The following DDI2 variants were observed in gnomAD, a reference collection of about 807,000 sequenced individuals.
DDI2 encodes the protein DDI proteasomal shuttling factor 2, also known as protein DDI1 homolog 2.
Under a neutral mutation model 48.1 loss-of-function variants are expected in DDI2, and 5 were observed. The observed-to-expected ratio is 0.10, with a 90% CI of 0.05 to 0.22. The LOEUF is 0.22. DDI2 is among the 10% of genes least tolerant of loss of function. DDI2 has a pLI of 1.00. For synonymous variants in DDI2, 205 were observed against 183.6 expected (o/e 1.12, Z -0.94); for missense variants, 285 against 506.2 (o/e 0.56, Z 4.19).
chr1:15,626,513 C>T (rs192213297), intron 1 of DDI2, among the ~76,000 whole-genome samples, 156 bp from the exon 2 acceptor site: 15 of 152,234 alleles, frequency 9.9e-5, no homozygotes, highest in East Asian at 5.8e-4. Flanking sequence ...TGCTAGGTGA[C>T]GGGAAGGACT....
Position 15,663,970 on chromosome 1 carries a change from T to C in DDI2, c.*4180T>C, listed in dbSNP as rs925074844. ...TAGGATAGCTTTTTGTGTATGTATA[T>C]GTATATTTATTTTTAGGAATAGATC... On this transcript the variant is annotated 3_prime_UTR_variant, in exon 10 of 10. Coordinates refer to ENST00000480945, the MANE Select transcript of DDI2 (RefSeq NM_032341.5). 6.6e-6 allele frequency: 1 copy of C among 152,210 alleles called. No homozygotes were observed. Among genetic ancestry groups the C allele is most frequent in the Admixed American group, 6.5e-5 (1 of 15,282 alleles). 9.4% of individuals were successfully genotyped at this position (152,210 alleles called of 1,614,324 possible).
At chr1:15,622,903 C>G (rs916711642) in intron 1 of DDI2, among the ~76,000 whole-genome samples, 1 of 152,172 alleles carries the variant, frequency 6.6e-6, no homozygotes, top group Non-Finnish European at 1.5e-5. Flanking sequence ...GCTGCTGCTT[C>G]GTCAGTGTGA....
At chr1:15,648,174 AAG>A (rs1319740264) in intron 6 of DDI2, among the ~76,000 whole-genome samples, 4 of 152,206 alleles carry the variant, frequency 2.6e-5, no homozygotes, top group Non-Finnish European at 5.9e-5. Flanking sequence ...CAGTAGGACT[AAG>A]AGTTTTGCAG....
chr1:15,658,307 G>A (rs935758256), intron 9 of DDI2, among the ~76,000 whole-genome samples: 4 of 151,596 alleles, frequency 2.6e-5, no homozygotes, highest in African/African-American at 4.8e-5. Context: ...CCACCACCAC[G>A]CCTGGCTAAT....
chr1:15,638,355 G>A lies in DDI2; in HGVS notation c.681G>A (p.Pro227=), dbSNP rs778029686. Residue 227 remains proline (P), a synonymous_variant, in exon 5 of 10, where the codon CCG becomes CCA. Coordinates refer to ENST00000480945, the MANE Select transcript of DDI2 (RefSeq NM_032341.5). ...ENMTIAMEEA[P]ESFGQVVMLY... is the part of the protein sequence containing the mutation. Reference sequence around the variant, plus strand: ...TGACAATAGCTATGGAAGAGGCTCCGGAAAGTTTTGGCCAAGTAGTGATGC... The same window carrying A: ...TGACAATAGCTATGGAAGAGGCTCCAGAAAGTTTTGGCCAAGTAGTGATGC... 1.2e-5 allele frequency: 20 copies of A among 1,613,804 alleles called. No homozygotes were observed. The highest frequency in any genetic ancestry group is 1.4e-5 in the Non-Finnish European group (17 of 1,179,952).
chr1:15,666,364 A>G lies in DDI2; in HGVS notation c.*6574A>G, dbSNP rs1026584229. The G allele has an allele frequency of 2.0e-5, 3 of 152,326 alleles. No homozygotes were observed. The highest frequency in any genetic ancestry group is 4.4e-5 in the Non-Finnish European group (3 of 68,030). The allele number at this position is 152,326 out of a possible 1,614,324, so 9.4% of individuals were successfully genotyped here. A position where few individuals can be genotyped will look rare whatever the true frequency, so the allele number is the denominator to read the frequency against. Reference sequence around the variant, plus strand: ...AATAGCTCTCCTGGAGATGGAGGGCACACAGAGTGGTCCTCAGGCTCACCT... The same window carrying G: ...AATAGCTCTCCTGGAGATGGAGGGCGCACAGAGTGGTCCTCAGGCTCACCT... On this transcript the variant is annotated 3_prime_UTR_variant, in exon 10 of 10. Transcript: ENST00000480945.
chr1:15,649,608 T>G, intron 6 of DDI2, 112 bp from the exon 7 acceptor site: 8 of 935,288 alleles, frequency 8.6e-6, no homozygotes, highest in South Asian at 4.0e-5. Context: ...GAGGCAGAGG[T>G]TGCCATCAGC....
At chr1:15,624,602 A>C (rs1435779504) in intron 1 of DDI2, among the ~76,000 whole-genome samples, 2 of 151,980 alleles carry the variant, frequency 1.3e-5, no homozygotes, top group Non-Finnish European at 2.9e-5. Context: ...TAAGTAGCTG[A>C]GACTACAGTC....
intron 1 of DDI2, among the ~76,000 whole-genome samples, chr1:15,619,462 T>C (rs1047802154): frequency 6.7e-6 from 1 of 150,186 alleles, no homozygotes; most frequent in African/African-American, 2.5e-5. Context: ...TTTCTTTTCT[T>C]TTCTTTTCTT....
chr1:15,638,638 G>A (rs528642237), intron 5 of DDI2, among the ~76,000 whole-genome samples: 3 of 149,152 alleles, frequency 2.0e-5, no homozygotes, highest in South Asian at 2.1e-4. Flanking sequence ...CAGTTCAAGC[G>A]ATTCTCCAGC....
chr1:15,651,619 A>G (rs2103477934), intron 7 of DDI2, 87 bp from the exon 8 acceptor site: 2 of 1,314,894 alleles, frequency 1.5e-6, no homozygotes, highest in Middle Eastern at 1.9e-4. Flanking sequence ...GTGCCTGGCC[A>G]TTTGTGATTG....
At chr1:15,639,898 C>T (rs142485203) in intron 5 of DDI2, among the ~76,000 whole-genome samples, 1,668 of 151,786 alleles carry the variant, frequency 0.011, 18 homozygotes, top group South Asian at 0.038. Flanking sequence ...GTCCCAGCTA[C>T]GGGGGAGGCT....
rs935498329 is a variant in DDI2, at chr1:15,665,288, A to C, written c.*5498A>C. On this transcript the variant is annotated 3_prime_UTR_variant, in exon 10 of 10. Coordinates refer to ENST00000480945, the MANE Select transcript of DDI2 (RefSeq NM_032341.5). ...AAAAAAAAAAAAAAAAAAGGTAACC[A>C]GTTGCTTGGCAAAGGAAGCTGGAGA... The C allele has an allele frequency of 3.5e-4, 53 of 149,830 alleles. 1 individual carries two copies. The highest frequency in any genetic ancestry group is 1.3e-3 in the African/African-American group (51 of 39,674). The allele number at this position is 149,830 out of a possible 1,614,324, so 9.3% of individuals were successfully genotyped here. A position where few individuals can be genotyped will look rare whatever the true frequency, so the allele number is the denominator to read the frequency against.
chr1:15,625,435 C>A (rs1276548944), intron 1 of DDI2, among the ~76,000 whole-genome samples: 2 of 151,294 alleles, frequency 1.3e-5, no homozygotes, highest in Non-Finnish European at 2.9e-5. Context: ...TATGTTTTTT[C>A]ATGATAAAAT....
At chr1:15,625,212 T>C (rs1639733505) in intron 1 of DDI2, among the ~76,000 whole-genome samples, 3 of 152,220 alleles carry the variant, frequency 2.0e-5, no homozygotes, top group African/African-American at 4.8e-5. Flanking sequence ...GCTGTAATGA[T>C]GATCTAGCCC....
intron 3 of DDI2, among the ~76,000 whole-genome samples, 200 bp from the exon 4 acceptor site, chr1:15,633,235 ACTTT>A (rs1639875577): frequency 6.6e-6 from 1 of 152,080 alleles, no homozygotes; most frequent in Non-Finnish European, 1.5e-5. Flanking sequence ...AGCCACAAAT[ACTTT>A]CTTTACACTG....
chr1:15,650,185 C>A (rs1195248072), intron 7 of DDI2, among the ~76,000 whole-genome samples: 1 of 152,136 alleles, frequency 6.6e-6, no homozygotes, highest in East Asian at 1.9e-4. Flanking sequence ...TGATGCTGAT[C>A]AAACAGTACT....
Position 15,661,667 on chromosome 1 carries a change from A to G in DDI2, c.*1877A>G, listed in dbSNP as rs780685314. On this transcript the variant is annotated 3_prime_UTR_variant, in exon 10 of 10. Coordinates refer to ENST00000480945, the MANE Select transcript of DDI2 (RefSeq NM_032341.5). ...GGAGCTTTGCATCGAGTTGGTGGGA[A>G]TGCAGACCTTGCACTTCTTGTTTTG... The G allele has an allele frequency of 2.5e-6, 4 of 1,614,038 alleles. No individual in the cohort carries two copies. The highest frequency in any genetic ancestry group is 2.2e-5 in the East Asian group (1 of 44,888).
rs753415119 is a variant in DDI2, at chr1:15,660,723, C to T, written c.*933C>T. On this transcript the variant is annotated 3_prime_UTR_variant, in exon 10 of 10. Transcript: ENST00000480945. ...CATTGGATCTCACTTTAGATAATCCCTTGATGGAAGTAGAAACATCAAAAT... is the reference window on the plus strand; with the variant it reads ...CATTGGATCTCACTTTAGATAATCCTTTGATGGAAGTAGAAACATCAAAAT... 4 of 1,613,804 alleles carry T rather than the reference C, an allele frequency of 2.5e-6. No individual in the cohort carries two copies. Among genetic ancestry groups the T allele is most frequent in the Non-Finnish European group, 3.4e-6 (4 of 1,179,932 alleles).
Sources: gnomAD v4.1 joint callset for allele counts (sites outside exome capture counted in the v4.1 genomes callset) on GRCh38, gnomAD v4.1.1 for gene constraint, MANE v1.5 for transcripts, NCBI Gene and HGNC (gene_info 2026-07-23, HGNC 2026-07-21) for gene names.